The following CDK14 variants were observed in gnomAD, a reference collection of about 807,000 sequenced individuals.
CDK14 encodes the protein cyclin dependent kinase 14, also known as cyclin-dependent kinase 14.
CDK14 carries 34 observed loss-of-function variants against 60.7 expected under a neutral mutation model. The observed-to-expected ratio is 0.56, with a 90% CI of 0.43 to 0.75. CDK14 has a LOEUF of 0.75. CDK14 is among the 30% of genes least tolerant of loss of function. The probability of loss-of-function intolerance (pLI) is 0.00; values close to 1 mark genes in which losing one functional copy is unlikely to be tolerated. For synonymous variants in CDK14, 197 were observed against 203.7 expected (o/e 0.97, Z 0.28); for missense variants, 482 against 564.1 (o/e 0.85, Z 1.47).
At chr7:91,112,436 T>C in intron 12 of CDK14, 106 bp from the exon 13 acceptor site, 2 of 1,267,430 alleles carry the variant, frequency 1.6e-6, no homozygotes, top group Non-Finnish European at 2.2e-6. Flanking sequence ...AATTTGTTTT[T>C]CTAGCCAGGA....
intron 14 of CDK14, among the ~76,000 whole-genome samples, chr7:91,134,246 C>T (rs1036843527): frequency 1.3e-5 from 2 of 152,130 alleles, no homozygotes; most frequent in Admixed American, 6.6e-5. Context: ...GACTATTTTC[C>T]AGTTTGATCC....
chr7:90,784,679 AT>A (rs1805494558), intron 4 of CDK14, among the ~76,000 whole-genome samples: 1 of 152,108 alleles, frequency 6.6e-6, no homozygotes, highest in African/African-American at 2.4e-5. Flanking sequence ...TGAAATTTTA[AT>A]TTATTTTTCT....
chr7:90,651,531 C>A (rs1473057646), intron 2 of CDK14, among the ~76,000 whole-genome samples: 1 of 152,128 alleles, frequency 6.6e-6, no homozygotes, highest in Non-Finnish European at 1.5e-5. Flanking sequence ...CCTGTATAAT[C>A]AGCTTCCTGT....
chr7:91,091,320 T>A (rs944834836), intron 12 of CDK14, among the ~76,000 whole-genome samples: 1 of 144,498 alleles, frequency 6.9e-6, no homozygotes, highest in African/African-American at 2.6e-5. Context: ...ATAATTTATG[T>A]ATACACATAT....
At chr7:90,984,734 G>T (rs1795328390) in intron 10 of CDK14, among the ~76,000 whole-genome samples, 1 of 152,162 alleles carries the variant, frequency 6.6e-6, no homozygotes, top group Non-Finnish European at 1.5e-5. Context: ...ATGTTAGTGG[G>T]CTGTACCCTT....
At chr7:90,850,032 T>G (rs1790596208) in intron 5 of CDK14, among the ~76,000 whole-genome samples, 1 of 152,080 alleles carries the variant, frequency 6.6e-6, no homozygotes, top group Non-Finnish European at 1.5e-5. Context: ...AGTTATAGCA[T>G]TAATATATAA....
At chr7:91,113,269 T>C (rs1161156570) in intron 13 of CDK14, among the ~76,000 whole-genome samples, 4 of 152,238 alleles carry the variant, frequency 2.6e-5, no homozygotes, top group Admixed American at 2.6e-4. Flanking sequence ...ATGTACAGAC[T>C]GAAGACATGT....
intron 14 of CDK14, among the ~76,000 whole-genome samples, chr7:91,167,524 T>C (rs1801382294): frequency 1.3e-5 from 2 of 152,224 alleles, no homozygotes; most frequent in African/African-American, 4.8e-5. Flanking sequence ...ATTGTTCTTA[T>C]ATAATGTAGA....
At chr7:90,652,458 G>T (rs1454463294) in intron 2 of CDK14, among the ~76,000 whole-genome samples, 2 of 152,116 alleles carry the variant, frequency 1.3e-5, no homozygotes, top group Non-Finnish European at 2.9e-5. Flanking sequence ...AACATTTATT[G>T]TGTTGTCATG....
chr7:90,844,816 C>G (rs545632051), intron 5 of CDK14, among the ~76,000 whole-genome samples: 1 of 152,100 alleles, frequency 6.6e-6, no homozygotes, highest in Non-Finnish European at 1.5e-5. Context: ...AACAAATATA[C>G]AAACAAGAAT....
intron 2 of CDK14, among the ~76,000 whole-genome samples, chr7:90,644,042 G>A (rs1185823459): frequency 1.3e-5 from 2 of 152,172 alleles, no homozygotes; most frequent in African/African-American, 4.8e-5. Flanking sequence ...GTAGGGCCCT[G>A]ATCTAATTGG....
chr7:90,659,838 T>TCTCC (rs1800827220), intron 2 of CDK14, among the ~76,000 whole-genome samples: 1 of 41,846 alleles, frequency 2.4e-5, no homozygotes, highest in South Asian at 1.1e-3. Flanking sequence ...AGGGAATGCT[T>TCTCC]CTCTCTCTCT....
At chr7:90,935,297 C>A (rs1460926736) in intron 8 of CDK14, among the ~76,000 whole-genome samples, 2 of 152,156 alleles carry the variant, frequency 1.3e-5, no homozygotes, top group East Asian at 1.9e-4. Context: ...TAAATTTCAA[C>A]ATGAATTTGA....
intron 2 of CDK14, among the ~76,000 whole-genome samples, chr7:90,654,234 A>G (rs1800706934): frequency 6.6e-6 from 1 of 152,192 alleles, no homozygotes; most frequent in Non-Finnish European, 1.5e-5. Context: ...CCCTACCCTG[A>G]GGAATTTATA....
chr7:90,649,309 TTTCCTTCCTTCCTTCCTTCCTTCC>T (rs1270953163), intron 2 of CDK14, among the ~76,000 whole-genome samples: 3 of 41,106 alleles, frequency 7.3e-5, no homozygotes, highest in African/African-American at 3.4e-4. Flanking sequence ...TCTTTCTTTC[TTTCCTTCCTTCCTTCCTTCCTTCC>T]TTCCTTCCTT....
intron 14 of CDK14, among the ~76,000 whole-genome samples, chr7:91,199,509 T>C (rs577743710): frequency 1.3e-5 from 2 of 152,282 alleles, no homozygotes; most frequent in South Asian, 4.1e-4. Context: ...TCTGATTTAA[T>C]AAACAGTCAC....
At chr7:90,600,316 T>G (rs950064515) in intron 1 of CDK14, among the ~76,000 whole-genome samples, 2 of 152,240 alleles carry the variant, frequency 1.3e-5, no homozygotes, top group African/African-American at 4.8e-5. Flanking sequence ...TCCTCTTTTC[T>G]TTCTTGTTTC....
intron 2 of CDK14, among the ~76,000 whole-genome samples, chr7:90,647,228 C>T (rs906797235): frequency 3.3e-5 from 5 of 152,072 alleles, no homozygotes; most frequent in African/African-American, 7.2e-5. Flanking sequence ...CTTGTAGAAC[C>T]GTCTTAGTGT....
At chr7:91,037,120 G>A (rs1343427995) in intron 10 of CDK14, among the ~76,000 whole-genome samples, 3 of 152,144 alleles carry the variant, frequency 2.0e-5, no homozygotes, top group Non-Finnish European at 2.9e-5. Context: ...CATCTTGAAC[G>A]ATCAATTAAT....
Sources: allele counts gnomAD v4.1 joint callset (sites outside exome capture counted in the v4.1 genomes callset), GRCh38; gene constraint gnomAD v4.1.1; transcripts MANE v1.5; gene names NCBI Gene and HGNC (gene_info 2026-07-23, HGNC 2026-07-21).